The following CHRNA7 variants were observed in gnomAD, a reference collection of about 807,000 sequenced individuals.
CHRNA7 encodes the protein cholinergic receptor nicotinic alpha 7 subunit.
In CHRNA7, 17 loss-of-function variants were observed where a neutral mutation model predicts 48.0. The ratio of observed to expected loss-of-function variants is 0.35; its 90% CI spans 0.24 to 0.53. The LOEUF is 0.53. CHRNA7 is among the 20% of genes least tolerant of loss of function. The pLI is 0.92. For synonymous variants in CHRNA7, 75 were observed against 242.3 expected (o/e 0.31, Z 6.41); for missense variants, 155 against 577.7 (o/e 0.27, Z 7.50).
At chr15:32,129,425 A>G (rs2051120262) in intron 4 of CHRNA7, among the ~76,000 whole-genome samples, 1 of 151,936 alleles carries the variant, frequency 6.6e-6, no homozygotes, top group African/African-American at 2.4e-5. Context: ...TATGAACTCA[A>G]TGTGTTTAAT....
intron 4 of CHRNA7, among the ~76,000 whole-genome samples, chr15:32,141,918 C>T (rs1372333561): frequency 1.3e-5 from 2 of 152,224 alleles, no homozygotes; most frequent in Non-Finnish European, 2.9e-5. Context: ...TTATTTCTTT[C>T]TCTTGCCTGA....
intron 2 of CHRNA7, among the ~76,000 whole-genome samples, chr15:32,092,927 T>C (rs955214056): frequency 1.3e-5 from 2 of 152,186 alleles, no homozygotes; most frequent in Admixed American, 6.5e-5. Context: ...TGACAATTCA[T>C]TGAAAAAGCC....
At chr15:32,151,259 T>C in intron 4 of CHRNA7, among the ~76,000 whole-genome samples, 1 of 152,150 alleles carries the variant, frequency 6.6e-6, no homozygotes, top group East Asian at 1.9e-4. Flanking sequence ...CTCAGTACTT[T>C]AACATCTTGC....
intron 4 of CHRNA7, among the ~76,000 whole-genome samples, chr15:32,142,615 A>G (rs1487601334): frequency 1.3e-5 from 2 of 152,190 alleles, no homozygotes; most frequent in Non-Finnish European, 2.9e-5. Context: ...TAGTCTATTC[A>G]GAGATTCAAC....
chr15:32,131,209 A>G (rs574356881), intron 4 of CHRNA7, among the ~76,000 whole-genome samples: 1 of 152,202 alleles, frequency 6.6e-6, no homozygotes, highest in South Asian at 2.1e-4. Context: ...TTGAATCTGT[A>G]GATGTATATC....
intron 2 of CHRNA7, among the ~76,000 whole-genome samples, chr15:32,073,065 C>T (rs1165737345): frequency 6.6e-6 from 1 of 152,204 alleles, no homozygotes; most frequent in Non-Finnish European, 1.5e-5. Context: ...TCAGCTTGCA[C>T]CCTGAGCCCA....
intron 2 of CHRNA7, among the ~76,000 whole-genome samples, chr15:32,058,443 G>A (rs2049823084): frequency 6.6e-6 from 1 of 152,148 alleles, no homozygotes; most frequent in African/African-American, 2.4e-5. Flanking sequence ...TTGCAACAGC[G>A]GGAAGCAGCT....
At chr15:32,030,874 C>T (rs1244782149) in intron 1 of CHRNA7, 24 bp from the exon 2 acceptor site, 1 of 1,611,578 alleles carries the variant, frequency 6.2e-7, no homozygotes, top group African/African-American at 1.3e-5. Flanking sequence ...CCTGAGCCCC[C>T]TGCCCGGGTC....
chr15:32,074,898 C>G (rs183831569), intron 2 of CHRNA7, among the ~76,000 whole-genome samples: 4 of 152,204 alleles, frequency 2.6e-5, no homozygotes, highest in Non-Finnish European at 4.4e-5. Context: ...ATCCACCCAC[C>G]TCGGCCTCCC....
intron 4 of CHRNA7, among the ~76,000 whole-genome samples, chr15:32,118,259 G>A (rs565836888): frequency 2.6e-5 from 4 of 152,208 alleles, no homozygotes; most frequent in South Asian, 4.2e-4. Flanking sequence ...CCTTGACCTC[G>A]GACTCCCAGC....
intron 2 of CHRNA7, among the ~76,000 whole-genome samples, chr15:32,080,261 C>T (rs749684347): frequency 7.9e-5 from 12 of 152,092 alleles, no homozygotes; most frequent in African/African-American, 2.2e-4. Context: ...ATGTTGAAAA[C>T]GTCAAAATCA....
intron 2 of CHRNA7, among the ~76,000 whole-genome samples, chr15:32,057,545 G>T (rs563019932): frequency 6.6e-6 from 1 of 151,954 alleles, no homozygotes; most frequent in African/African-American, 2.4e-5. Context: ...AATATATTTC[G>T]GGTTTTGAAA....
chr15:32,132,890 ATATT>A (rs2051180578), intron 4 of CHRNA7, among the ~76,000 whole-genome samples: 1 of 152,196 alleles, frequency 6.6e-6, no homozygotes, highest in South Asian at 2.1e-4. Flanking sequence ...TTTAGACTTT[ATATT>A]TATTCAGATT....
intron 3 of CHRNA7, among the ~76,000 whole-genome samples, chr15:32,109,195 A>G (rs1277442554): frequency 1.3e-5 from 2 of 152,178 alleles, no homozygotes; most frequent in Non-Finnish European, 1.5e-5. Flanking sequence ...CAAGGGGTGG[A>G]TTATTCATGC....
intron 2 of CHRNA7, among the ~76,000 whole-genome samples, chr15:32,083,457 C>T (rs1222676698): frequency 1.3e-5 from 2 of 151,972 alleles, no homozygotes; most frequent in Admixed American, 1.3e-4. Flanking sequence ...TATTCTGTTA[C>T]AGCAACACAA....
Position 32,131,051 on chromosome 15 carries a change from G to A in CHRNA7, c.350+19152G>A, listed in dbSNP as rs538447321. Among the ~76,000 whole-genome samples the A allele has an allele frequency of 6.6e-5, 10 of 151,924 alleles. No individual in the cohort carries two copies. The South Asian group carries it at 2.1e-3, about 32-fold the overall frequency. ...GCTGTCATTTAAATTTGTTGTTGTT[G>A]TTTAGTTTTGTTTTTCCCCCTTACG... On this transcript the variant is annotated intron_variant, in intron 4 of 9. Coordinates refer to ENST00000306901, the MANE Select transcript of CHRNA7 (RefSeq NM_000746.6).
intron 2 of CHRNA7, among the ~76,000 whole-genome samples, chr15:32,089,734 T>C (rs577496277): frequency 6.6e-6 from 1 of 152,332 alleles, no homozygotes; most frequent in South Asian, 2.1e-4. Flanking sequence ...GACTGTTTTT[T>C]CTTGTCTTTT....
At chr15:32,059,126 C>T (rs2049835248) in intron 2 of CHRNA7, among the ~76,000 whole-genome samples, 1 of 152,070 alleles carries the variant, frequency 6.6e-6, no homozygotes, top group Non-Finnish European at 1.5e-5. Context: ...GCCTCAGTCT[C>T]CCGAGTGGCT....
intron 9 of CHRNA7, chr15:32,166,623 T>TATAG (rs2052167240): frequency 6.6e-6 from 1 of 151,208 alleles, no homozygotes; most frequent in African/African-American, 2.4e-5. Flanking sequence ...GAAATAAACC[T>TATAG]GTTAGGTTAC....
Sources: allele counts gnomAD v4.1 joint callset (sites outside exome capture counted in the v4.1 genomes callset), GRCh38; gene constraint gnomAD v4.1.1; transcripts MANE v1.5; gene names NCBI Gene and HGNC (gene_info 2026-07-23, HGNC 2026-07-21).